The following MGAT5 variants were observed in gnomAD, a reference collection of about 807,000 sequenced individuals.
MGAT5 encodes alpha-1,6-mannosylglycoprotein 6-beta-N-acetylglucosaminyltransferase.
MGAT5 carries 30 observed loss-of-function variants against 94.3 expected under a neutral mutation model. The ratio of observed to expected loss-of-function variants is 0.32; its 90% CI spans 0.24 to 0.43. The LOEUF is 0.43. Among genes scored for constraint, MGAT5 ranks in the 20% least tolerant of loss-of-function variants. The pLI is 1.00. For synonymous variants in MGAT5, 310 were observed against 322.9 expected (o/e 0.96, Z 0.43); for missense variants, 691 against 905.5 (o/e 0.76, Z 3.04).
At chr2:134,137,730 G>T (rs1007963535) in intron 1 of MGAT5, among the ~76,000 whole-genome samples, 3 of 151,962 alleles carry the variant, frequency 2.0e-5, no homozygotes, top group Non-Finnish European at 4.4e-5. Flanking sequence ...GCTTGGACTA[G>T]AATAGTCTCT....
chr2:134,442,010 G>C, intron 15 of MGAT5, 95 bp downstream of exon 15: 3 of 1,395,748 alleles, frequency 2.1e-6, no homozygotes, highest in Non-Finnish European at 3.0e-6. Context: ...CCTCTTCCAA[G>C]CTACTGGGCT....
chr2:134,120,187 A>C, exon 1 of MGAT5: 1 of 226,770 alleles, frequency 4.4e-6, no homozygotes, highest in African/African-American at 2.3e-5. Flanking sequence ...GATCCAGCCC[A>C]GGTAGCCGCG....
intron 13 of MGAT5, among the ~76,000 whole-genome samples, chr2:134,424,956 C>A (rs1347711154): frequency 6.6e-6 from 1 of 152,200 alleles, no homozygotes; most frequent in Non-Finnish European, 1.5e-5. Flanking sequence ...TTGTTTACAT[C>A]TACAAAGACC....
intron 1 of MGAT5, among the ~76,000 whole-genome samples, chr2:134,171,882 A>G (rs1688228941): frequency 6.6e-6 from 1 of 152,174 alleles, no homozygotes. Context: ...TATGTAGAGT[A>G]GTCCCATGTT....
chr2:134,303,904 A>G (rs1686179448), intron 2 of MGAT5, among the ~76,000 whole-genome samples: 2 of 152,164 alleles, frequency 1.3e-5, no homozygotes, highest in South Asian at 2.1e-4. Context: ...GGGCACAGCC[A>G]TATAAATGTG....
intron 13 of MGAT5, among the ~76,000 whole-genome samples, chr2:134,427,429 A>G (rs1366167433): frequency 1.3e-5 from 2 of 152,154 alleles, no homozygotes; most frequent in East Asian, 1.9e-4. Context: ...CCCTTCTCCA[A>G]GGTGTCACAA....
intron 1 of MGAT5, among the ~76,000 whole-genome samples, chr2:134,207,947 T>G (rs921061541): frequency 6.6e-6 from 1 of 152,210 alleles, no homozygotes; most frequent in East Asian, 1.9e-4. Context: ...AGCTGGCCAG[T>G]GGTCACACCT....
intron 1 of MGAT5, among the ~76,000 whole-genome samples, chr2:134,186,693 C>G (rs1188641664): frequency 6.6e-6 from 1 of 152,112 alleles, no homozygotes; most frequent in African/African-American, 2.4e-5. Context: ...CATGGATGCC[C>G]AGGATTGTGG....
intron 1 of MGAT5, among the ~76,000 whole-genome samples, chr2:134,151,387 C>T (rs1280241739): frequency 2.2e-5 from 3 of 133,866 alleles, no homozygotes; most frequent in Non-Finnish European, 4.7e-5. Flanking sequence ...GGGACCCACT[C>T]ACCGCCATGG....
At chr2:134,259,937 G>A (rs974006013) in intron 1 of MGAT5, among the ~76,000 whole-genome samples, 1 of 152,052 alleles carries the variant, frequency 6.6e-6, no homozygotes, top group African/African-American at 2.4e-5. Context: ...AATATCTGAG[G>A]GGCTACTTTG....
intron 2 of MGAT5, among the ~76,000 whole-genome samples, chr2:134,299,465 A>T (rs895651851): frequency 6.6e-5 from 10 of 152,200 alleles, no homozygotes; most frequent in Admixed American, 1.3e-4. Flanking sequence ...TGGAATGCTA[A>T]TTGCAACCTT....
At chr2:134,290,006 T>A (rs1685247143) in intron 2 of MGAT5, among the ~76,000 whole-genome samples, 1 of 152,218 alleles carries the variant, frequency 6.6e-6, no homozygotes. Context: ...TGCTGAGTGC[T>A]ATGAGTCCTC....
chr2:134,140,361 G>T, intron 1 of MGAT5, among the ~76,000 whole-genome samples: 1 of 152,236 alleles, frequency 6.6e-6, no homozygotes, highest in East Asian at 1.9e-4. Flanking sequence ...GGCGCCACAA[G>T]TCTGCTTAGA....
intron 14 of MGAT5, among the ~76,000 whole-genome samples, chr2:134,430,464 G>A (rs1401586269): frequency 2.6e-5 from 4 of 152,126 alleles, no homozygotes; most frequent in African/African-American, 4.8e-5. Context: ...TATATCCCTA[G>A]TAACCTGCTG....
chr2:134,190,900 C>T (rs761750560), intron 1 of MGAT5, among the ~76,000 whole-genome samples: 37 of 151,864 alleles, frequency 2.4e-4, no homozygotes, highest in African/African-American at 8.0e-4. Flanking sequence ...CTGCCCGTCT[C>T]GGCCTCCCAG....
chr2:134,311,786 C>T (rs546569169), intron 2 of MGAT5, among the ~76,000 whole-genome samples: 5 of 152,022 alleles, frequency 3.3e-5, no homozygotes, highest in South Asian at 4.2e-4. Flanking sequence ...TTTATGATGC[C>T]GCGTAGTTGA....
At chr2:134,262,237 A>ATTTTG (rs1369096378) in intron 1 of MGAT5, among the ~76,000 whole-genome samples, 2 of 151,614 alleles carry the variant, frequency 1.3e-5, no homozygotes, top group African/African-American at 2.4e-5. Flanking sequence ...TTTTTGTTTT[A>ATTTTG]TTTTGTTTTG....
intron 10 of MGAT5, among the ~76,000 whole-genome samples, chr2:134,389,573 T>C (rs910407796): frequency 6.6e-6 from 1 of 152,208 alleles, no homozygotes; most frequent in Non-Finnish European, 1.5e-5. Flanking sequence ...TAATTTTTTC[T>C]TGGAGCCCCT....
chr2:134,130,161 G>A (rs1686063502), intron 1 of MGAT5, among the ~76,000 whole-genome samples: 1 of 150,270 alleles, frequency 6.7e-6, no homozygotes, highest in Admixed American at 6.6e-5. Context: ...ATCTTCCCGC[G>A]GGGCAGGGCT....
Sources: gnomAD v4.1 joint callset for allele counts (sites outside exome capture counted in the v4.1 genomes callset) on GRCh38, gnomAD v4.1.1 for gene constraint, MANE v1.5 for transcripts, NCBI Gene and HGNC (gene_info 2026-07-23, HGNC 2026-07-21) for gene names.